B3GLCT: variants seen among roughly 807,000 people sequenced by gnomAD.
The protein encoded by B3GLCT is beta-1,3-glucosyltransferase.
In B3GLCT, 65 loss-of-function variants were observed where a neutral mutation model predicts 63.4. The observed-to-expected ratio is 1.03, with a 90% CI of 0.84 to 1.26. B3GLCT has a LOEUF of 1.26. Among genes scored for constraint, B3GLCT ranks in the 50% most tolerant of loss-of-function variants. The probability of loss-of-function intolerance (pLI) is 0.00; values close to 1 mark genes in which losing one functional copy is unlikely to be tolerated. For synonymous variants in B3GLCT, 233 were observed against 219.2 expected (o/e 1.06, Z -0.55); for missense variants, 577 against 604.8 (o/e 0.95, Z 0.48).
chr13:31,214,671 C>G (rs1869460836), intron 1 of B3GLCT, among the ~76,000 whole-genome samples: 1 of 152,238 alleles, frequency 6.6e-6, no homozygotes, highest in Non-Finnish European at 1.5e-5. Flanking sequence ...ATCTGTACTT[C>G]TTCCTCCTGG....
chr13:31,329,472 G>A (rs1459398363), intron 14 of B3GLCT, 29 bp from the exon 15 acceptor site: 1 of 1,613,440 alleles, frequency 6.2e-7, no homozygotes, highest in Non-Finnish European at 8.5e-7. Context: ...CAATCAACAA[G>A]GAAGCCTAAC....
intron 6 of B3GLCT, among the ~76,000 whole-genome samples, chr13:31,256,823 A>G (rs1444742657): frequency 2.0e-5 from 3 of 152,106 alleles, no homozygotes; most frequent in Non-Finnish European, 4.4e-5. Context: ...CCTAATGTAG[A>G]TGACAGGTTG....
At chr13:31,223,387 G>A (rs994966633) in intron 3 of B3GLCT, among the ~76,000 whole-genome samples, 10 of 152,256 alleles carry the variant, frequency 6.6e-5, no homozygotes, top group South Asian at 2.1e-4. Flanking sequence ...AGCGCAGGCC[G>A]TCCGGGAGCA....
At chr13:31,205,731 CAG>C (rs1320484725) in intron 1 of B3GLCT, among the ~76,000 whole-genome samples, 1 of 152,156 alleles carries the variant, frequency 6.6e-6, no homozygotes, top group African/African-American at 2.4e-5. Context: ...TCTTGCTTAA[CAG>C]AATAAATTCA....
chr13:31,237,098 C>T (rs1334051465), intron 4 of B3GLCT, among the ~76,000 whole-genome samples: 2 of 149,966 alleles, frequency 1.3e-5, no homozygotes, highest in Non-Finnish European at 3.0e-5. Context: ...TGCACTCCGG[C>T]CTGGGCAACA....
rs1017745248 is a variant in B3GLCT, at chr13:31,282,934, A to G, written c.851-1714A>G. ...TCTACTATGTCCTAGGCACTGTGCC[A>G]GGTGTTGGGAAATGAGTCATACACA... On this transcript the variant is annotated intron_variant, in intron 10 of 14. Coordinates refer to ENST00000343307, the MANE Select transcript of B3GLCT (RefSeq NM_194318.4). The G allele has an allele frequency of 3.3e-5, 5 of 152,330 alleles. No homozygotes were observed. In the East Asian group the frequency reaches 9.6e-4, roughly 29 times the overall value. 9.4% of individuals were successfully genotyped at this position (152,330 alleles called of 1,614,324 possible). A position where few individuals can be genotyped will look rare whatever the true frequency, so the allele number is the denominator to read the frequency against.
intron 12 of B3GLCT, among the ~76,000 whole-genome samples, chr13:31,314,408 A>C (rs1426117597): frequency 6.6e-6 from 1 of 152,178 alleles, no homozygotes; most frequent in Admixed American, 6.5e-5. Context: ...ATGGGAACCC[A>C]CCTCTTGCAT....
chr13:31,309,190 T>G (rs1012585357), intron 12 of B3GLCT, among the ~76,000 whole-genome samples: 1 of 152,204 alleles, frequency 6.6e-6, no homozygotes, highest in African/African-American at 2.4e-5. Context: ...ACCAAATGTT[T>G]CTCTGAACCT....
intron 12 of B3GLCT, among the ~76,000 whole-genome samples, chr13:31,299,042 A>G (rs1294693455): frequency 6.6e-6 from 1 of 152,228 alleles, no homozygotes; most frequent in African/African-American, 2.4e-5. Context: ...GAAAGAAAAA[A>G]TGATCATTAT....
intron 2 of B3GLCT, among the ~76,000 whole-genome samples, chr13:31,215,699 C>T (rs113762004): frequency 0.19 from 28,195 of 152,102 alleles, 2,770 homozygotes; most frequent in Non-Finnish European, 0.2. Flanking sequence ...CAGGCATGAG[C>T]CACCGCACCC....
At chr13:31,297,379 T>C (rs903000088) in intron 12 of B3GLCT, among the ~76,000 whole-genome samples, 5 of 149,774 alleles carry the variant, frequency 3.3e-5, no homozygotes, top group African/African-American at 1.3e-4. Flanking sequence ...TTCTGGGTTT[T>C]TTTTTTTTTT....
chr13:31,205,477 T>G (rs1868902957), intron 1 of B3GLCT, among the ~76,000 whole-genome samples: 1 of 152,106 alleles, frequency 6.6e-6, no homozygotes, highest in Admixed American at 6.5e-5. Context: ...GACAATCGCT[T>G]GAACCCAGGA....
chr13:31,247,386 C>T (rs1871244852), intron 5 of B3GLCT, among the ~76,000 whole-genome samples: 1 of 152,132 alleles, frequency 6.6e-6, no homozygotes, highest in Non-Finnish European at 1.5e-5. Context: ...AAGCAATTCC[C>T]TGCCTCAGCC....
At chr13:31,244,574 T>C (rs531679197) in intron 4 of B3GLCT, among the ~76,000 whole-genome samples, 1 of 152,300 alleles carries the variant, frequency 6.6e-6, no homozygotes, top group South Asian at 2.1e-4. Flanking sequence ...CTAAATCTTA[T>C]GATGGCGATA....
intron 1 of B3GLCT, among the ~76,000 whole-genome samples, chr13:31,203,948 A>T (rs907264448): frequency 1.3e-5 from 2 of 152,232 alleles, no homozygotes; most frequent in African/African-American, 4.8e-5. Flanking sequence ...AACTGCCCAA[A>T]GCCTCTCATT....
At chr13:31,297,812 C>A (rs915514935) in intron 12 of B3GLCT, among the ~76,000 whole-genome samples, 1 of 152,066 alleles carries the variant, frequency 6.6e-6, no homozygotes, top group African/African-American at 2.4e-5. Flanking sequence ...GAGTGGCTCT[C>A]AGAACTCAGG....
intron 1 of B3GLCT, among the ~76,000 whole-genome samples, chr13:31,211,326 G>T (rs934564981): frequency 6.6e-6 from 1 of 152,132 alleles, no homozygotes; most frequent in Non-Finnish European, 1.5e-5. Context: ...AACCTGGGAG[G>T]TGGAGGTTGC....
chr13:31,224,956 G>A (rs774670076), intron 3 of B3GLCT, among the ~76,000 whole-genome samples: 3 of 152,150 alleles, frequency 2.0e-5, no homozygotes, highest in Admixed American at 6.6e-5. Context: ...GAGAGCATTG[G>A]TTTCTTCTGC....
intron 3 of B3GLCT, among the ~76,000 whole-genome samples, chr13:31,228,710 C>A (rs1870223886): frequency 6.6e-6 from 1 of 152,200 alleles, no homozygotes; most frequent in Non-Finnish European, 1.5e-5. Flanking sequence ...AGACCCAATT[C>A]TAAATGAAGT....
Sources: gnomAD v4.1 joint callset for allele counts (sites outside exome capture counted in the v4.1 genomes callset) on GRCh38, gnomAD v4.1.1 for gene constraint, MANE v1.5 for transcripts, NCBI Gene and HGNC (gene_info 2026-07-23, HGNC 2026-07-21) for gene names.